The following PELP1 variants were observed in gnomAD, a reference collection of about 807,000 sequenced individuals.
PELP1 encodes proline-, glutamic acid- and leucine-rich protein 1.
PELP1 carries 32 observed loss-of-function variants against 95.5 expected under a neutral mutation model. The observed-to-expected ratio is 0.34, with a 90% confidence interval of 0.25 to 0.45. PELP1 has a LOEUF of 0.45. Ranked by LOEUF, PELP1 falls within the 20% of genes least tolerant of loss-of-function variation. PELP1 has a pLI of 1.00. For missense variants in PELP1, 1,358 were observed against 1,444.8 expected, an observed-to-expected ratio of 0.94 and a Z score of 0.97; for synonymous variants, 668 against 600.1, an observed-to-expected ratio of 1.11 and a Z score of -1.65.
intron 2 of PELP1, 24 bp downstream of exon 2, chr17:4,691,354 G>GA (rs564822019): frequency 8.0e-5 from 126 of 1,577,618 alleles, no homozygotes; most frequent in Middle Eastern, 1.7e-4. Context: ...CGCCCCTGGA[G>GA]AAAAAAAAGG....
rs1912421324 is a variant in PELP1 at position 4,675,410 on chromosome 17, G to A, written c.1069-48C>T. 1 of 1,167,852 alleles carries A rather than the reference G, an allele frequency of 8.6e-7. No homozygotes were observed. Among genetic ancestry groups the A allele is most frequent in the African/African-American group, 1.5e-5 (1 of 65,826 alleles). 72.3% of individuals were successfully genotyped at this position (1,167,852 alleles called of 1,614,324 possible). On this transcript the variant is annotated intron_variant, in intron 9 of 16. Transcript: ENST00000572293. The surrounding 1 kb of genome is among the most constrained non-coding windows in gnomAD (Gnocchi z 4.3). ...TAAAGAGTGGAGGAAGAAAGTGAGA[G>A]CCAGAGAGAGACAGAAACAGGGAAT...
At chr17:4,681,367 C>G (rs1385839871) in intron 5 of PELP1, among the ~76,000 whole-genome samples, 1 of 145,964 alleles carries the variant, frequency 6.9e-6, no homozygotes, top group Non-Finnish European at 1.6e-5. Flanking sequence ...TGTCAGTAAT[C>G]CCAGCTACTT....
At chr17:4,674,705 C>A in intron 12 of PELP1, 36 bp from the exon 13 acceptor site, 1 of 1,590,208 alleles carries the variant, frequency 6.3e-7, no homozygotes, top group Non-Finnish European at 8.5e-7. Flanking sequence ...CATCCACAGG[C>A]AAACAACAAG....
At chr17:4,695,666 TTAA>T (rs1341096234) in intron 1 of PELP1, among the ~76,000 whole-genome samples, 13 of 42,806 alleles carry the variant, frequency 3.0e-4, no homozygotes, top group Admixed American at 6.2e-4. Context: ...ACCCTCTCTC[TTAA>T]AAAAAAAAAA....
At chr17:4,686,787 G>A (rs953404696) in intron 3 of PELP1, among the ~76,000 whole-genome samples, 3 of 152,110 alleles carry the variant, frequency 2.0e-5, no homozygotes, top group African/African-American at 4.8e-5. Flanking sequence ...CAAACTGCTG[G>A]GATTACAGGC....
intron 1 of PELP1, among the ~76,000 whole-genome samples, chr17:4,695,357 GTTTGTGAAT>G (rs1913258754): frequency 6.7e-6 from 1 of 149,248 alleles, no homozygotes; most frequent in Non-Finnish European, 1.5e-5. Flanking sequence ...AAATTGTATG[GTTTGTGAAT>G]TATTTCTCAA....
intron 3 of PELP1, among the ~76,000 whole-genome samples, chr17:4,686,587 G>A (rs112413782): frequency 0.045 from 6,801 of 152,052 alleles, 386 homozygotes; most frequent in African/African-American, 0.13. Flanking sequence ...GCGCGATCTC[G>A]GCTCACTGCA....
chr17:4,695,956 C>T (rs11078533), intron 1 of PELP1, among the ~76,000 whole-genome samples: 146,553 of 149,854 alleles, frequency 0.98, 71,746 homozygotes, highest in Middle Eastern at 1. Context: ...AGTGAACCAC[C>T]ATGAACCCCC....
rs145134587 is a variant in PELP1 at position 4,678,224 on chromosome 17, A to G, written c.643-1412T>C. ...GCAAGACTCTGTCTCAGAAAAAAAA[A>G]AGAATTAGTAAGGATAACAAGACAA... On this transcript the variant is annotated intron_variant, in intron 5 of 16. Transcript: ENST00000572293. Among the ~76,000 whole-genome samples, 791 of 152,236 alleles carry G rather than the reference A, an allele frequency of 5.2e-3. 6 individuals are homozygous for G. Among genetic ancestry groups the G allele is most frequent in the South Asian group, 0.011 (54 of 4,806 alleles).
chr17:4,679,510 A>G (rs751960815), intron 5 of PELP1, among the ~76,000 whole-genome samples: 1 of 152,162 alleles, frequency 6.6e-6, no homozygotes, highest in Non-Finnish European at 1.5e-5. Context: ...GTAACACTCA[A>G]TTTCCCCTCC....
intron 1 of PELP1, among the ~76,000 whole-genome samples, chr17:4,698,180 T>G (rs1913368506): frequency 6.6e-6 from 1 of 152,044 alleles, no homozygotes. Context: ...GTATTCTTGC[T>G]GAAAACGCAC....
rs773234059 is a variant in PELP1, at chr17:4,674,894, G to A, written c.1337C>T (p.Ala446Val). 94 of 1,613,512 alleles carry A rather than the reference G, an allele frequency of 5.8e-5. No individual in the cohort carries two copies. The Middle Eastern group carries it at 1.6e-3, about 28-fold the overall frequency. Reference sequence around the variant, plus strand: ...AGAGGCTCCTCCCTGAAGCATTCCCGCCGAGGCCCCACAAACCTGCACCCA... The same window carrying A: ...AGAGGCTCCTCCCTGAAGCATTCCCACCGAGGCCCCACAAACCTGCACCCA... ...ELWVQVCGAS[A>V]GMLQGGASGE... Residue 446 changes from alanine (A) to valine (V), a missense_variant, in exon 12 of 17, where the codon GCG (alanine) becomes GTG (valine). Physicochemically the swap from Ala to Val is moderately conservative, Grantham distance 64 (BLOSUM62 0). This residue lies in a region of PELP1 where 538 missense variants were observed against 628.1 expected (regional missense o/e 0.86). Coordinates refer to ENST00000572293, the MANE Select transcript of PELP1 (RefSeq NM_014389.3).
In PELP1 at chr17:4,670,262, T is replaced by C. The variant is rs1190964411; in HGVS notation, c.*1177A>G. 2 of 152,172 alleles carry C rather than the reference T, an allele frequency of 1.3e-5. No homozygotes were observed. The highest frequency in any genetic ancestry group is 6.5e-5 in the Admixed American group (1 of 15,272). 9.4% of individuals were successfully genotyped at this position (152,172 alleles called of 1,614,324 possible). ...GGAGAAATGACTCCCTCTTCTGCAT[T>C]GCGAAGGCACTTTACTTACGTTCAT... On this transcript the variant is annotated 3_prime_UTR_variant, in exon 17 of 17. Coordinates refer to ENST00000572293, the MANE Select transcript of PELP1 (RefSeq NM_014389.3).
At position 4,672,532 on chromosome 17, in the gene PELP1, G is replaced by A; in HGVS notation, c.2459C>T (p.Ser820Phe). ...CTCCTCCTTCGCTGGCACAGGAGGG[G>A]AGGCTGTTGGTGGCCCAGTGGGGGC... ...PIAPTGPPTA[S>F]PPVPAKEEPE... Residue 820 changes from serine to phenylalanine, a missense_variant, in exon 16 of 17, where the codon TCC becomes TTC. Around this residue, in one of 7 missense-constraint regions of PELP1, gnomAD observed 340 missense variants for 322.9 expected, o/e 1.05. Coordinates refer to ENST00000572293, the MANE Select transcript of PELP1 (RefSeq NM_014389.3). 1 of 1,592,442 alleles carries A rather than the reference G, an allele frequency of 6.3e-7. No homozygotes were observed. The highest frequency in any genetic ancestry group is 8.5e-7 in the Non-Finnish European group (1 of 1,170,382).
At chr17:4,702,614 A>T (rs1392776597) in intron 1 of PELP1, among the ~76,000 whole-genome samples, 1 of 152,186 alleles carries the variant, frequency 6.6e-6, no homozygotes, top group East Asian at 1.9e-4. Flanking sequence ...AATTATGCAG[A>T]GTAATGTTAA....
rs750825796 is a variant in PELP1, at chr17:4,685,792, T to TAAAAAAAAAAA, written c.421-2841_421-2840insTTTTTTTTTTT. ...CAGGTGACAAAATGAAACCATGTCTTAAAAAAAAAAGAACAAAAAAAGGGC... is the reference window on the plus strand; with the variant it reads ...CAGGTGACAAAATGAAACCATGTCTTAAAAAAAAAAAAAAAAAAAAAGAACAAAAAAAGGGC... On this transcript the variant is annotated intron_variant, in intron 3 of 16. Transcript: ENST00000572293. 2.7e-3 allele frequency among the ~76,000 whole-genome samples: 327 copies of TAAAAAAAAAAA among 119,552 alleles called. 2 individuals carry two copies. The highest frequency in any genetic ancestry group is 0.012 in the Middle Eastern group (3 of 244). The allele number at this position is 119,552 out of a possible 152,430, so 78.4% of individuals were successfully genotyped here.
At chr17:4,697,202 A>G (rs745596589) in intron 1 of PELP1, among the ~76,000 whole-genome samples, 1 of 150,496 alleles carries the variant, frequency 6.6e-6, no homozygotes, top group African/African-American at 2.4e-5. Flanking sequence ...AACCAGTGTG[A>G]TAACAGGAGA....
In PELP1 at chr17:4,669,928, T is replaced by C. The variant is rs1391998075; in HGVS notation, c.*1511A>G. Reference sequence around the variant, plus strand: ...GAATCTGGGATGGGAAGGGCCACGGTGTCTACAGCTTACTTTCACGTGGTC... The same window carrying C: ...GAATCTGGGATGGGAAGGGCCACGGCGTCTACAGCTTACTTTCACGTGGTC... On this transcript the variant is annotated 3_prime_UTR_variant, in exon 17 of 17. Transcript: ENST00000572293. 6.6e-6 allele frequency: 1 copy of C among 152,140 alleles called. No homozygotes were observed. Among genetic ancestry groups the C allele is most frequent in the African/African-American group, 2.4e-5 (1 of 41,426 alleles). The allele number at this position is 152,140 out of a possible 1,614,324, so 9.4% of individuals were successfully genotyped here. A position where few individuals can be genotyped will look rare whatever the true frequency, so the allele number is the denominator to read the frequency against.
chr17:4,695,146 A>T (rs1396733834), intron 1 of PELP1, among the ~76,000 whole-genome samples: 1 of 149,330 alleles, frequency 6.7e-6, no homozygotes, highest in Non-Finnish European at 1.5e-5. Flanking sequence ...CATGATGAAA[A>T]CCCGTCTCTA....
Sources: gnomAD v4.1 joint callset for allele counts (sites outside exome capture counted in the v4.1 genomes callset) on GRCh38, gnomAD v4.1.1 for gene constraint, gnomAD v4.1.1 regional missense constraint, Gnocchi (gnomAD v3.1) non-coding constraint, MANE v1.5 for transcripts, NCBI Gene and HGNC (gene_info 2026-07-23, HGNC 2026-07-21) for gene names.